Variants in PPP1R16B observed in about 807,000 individuals in gnomAD.
The protein encoded by PPP1R16B is protein phosphatase 1 regulatory subunit 16B, also known as protein phosphatase 1 regulatory inhibitor subunit 16B.
In PPP1R16B, 14 loss-of-function variants were observed where a neutral mutation model predicts 61.7. That is an observed-to-expected ratio of 0.23 (90% confidence interval 0.15 to 0.35). The LOEUF (loss-of-function observed/expected upper bound fraction) is 0.35, where lower values mean the gene tolerates loss of function less well. Ranked by LOEUF, PPP1R16B falls within the 10% of genes least tolerant of loss-of-function variation. The pLI is 1.00. For missense variants in PPP1R16B, 547 were observed against 752.5 expected (o/e 0.73, Z 3.19); for synonymous variants, 266 against 305.3 (o/e 0.87, Z 1.34).
At chr20:38,898,535 A>G (rs1484283681) in intron 4 of PPP1R16B, among the ~76,000 whole-genome samples, 1 of 152,074 alleles carries the variant, frequency 6.6e-6, no homozygotes, top group African/African-American at 2.4e-5. Flanking sequence ...ATTGGAGATT[A>G]CAGGTGGCTG....
chr20:38,916,890 A>T (rs2085545829), intron 10 of PPP1R16B, among the ~76,000 whole-genome samples: 1 of 151,800 alleles, frequency 6.6e-6, no homozygotes, highest in Non-Finnish European at 1.5e-5. Flanking sequence ...TATAGTATTA[A>T]CGATTAGTGG....
intron 10 of PPP1R16B, among the ~76,000 whole-genome samples, chr20:38,914,386 G>A (rs2145786179): frequency 6.6e-6 from 1 of 152,194 alleles, no homozygotes; most frequent in Admixed American, 6.5e-5. Context: ...CAAAATGTGG[G>A]GGTTTTGTTT....
chr20:38,815,752 G>A (rs551101610), intron 1 of PPP1R16B, among the ~76,000 whole-genome samples: 1 of 152,264 alleles, frequency 6.6e-6, no homozygotes, highest in Admixed American at 6.5e-5. Flanking sequence ...ATGACCCTTT[G>A]GATTATGCCT....
chr20:38,853,015 A>C (rs2145730853), intron 2 of PPP1R16B, among the ~76,000 whole-genome samples: 1 of 151,924 alleles, frequency 6.6e-6, no homozygotes, highest in South Asian at 2.1e-4. Context: ...CAGGTGATCC[A>C]TTCCCCTCGG....
intron 1 of PPP1R16B, among the ~76,000 whole-genome samples, chr20:38,834,929 G>T (rs901827930): frequency 6.6e-6 from 1 of 152,098 alleles, no homozygotes; most frequent in Non-Finnish European, 1.5e-5. Context: ...TCTTTATGTT[G>T]AGCTTAGCAG....
At chr20:38,887,998 C>A (rs961786789) in intron 2 of PPP1R16B, among the ~76,000 whole-genome samples, 2 of 152,222 alleles carry the variant, frequency 1.3e-5, no homozygotes, top group Non-Finnish European at 2.9e-5. Context: ...GCTTCTTTTT[C>A]CCCTGGCACC....
chr20:38,918,051 A>C lies in PPP1R16B; in HGVS notation c.1195-106A>C. On this transcript the variant is annotated intron_variant, in intron 10 of 10. Coordinates refer to ENST00000299824, the MANE Select transcript of PPP1R16B (RefSeq NM_015568.4). The surrounding 1 kb of genome is among the most constrained non-coding windows in gnomAD (Gnocchi z 5.3). ...TGGCCCCGATACCCAGGGAGAGAAA[A>C]CAGATAGAGGAAAAGTCCAAACAAT... The C allele has an allele frequency of 2.1e-6, 3 of 1,438,348 alleles. No homozygotes were observed. The highest frequency in any genetic ancestry group is 2.8e-6 in the Non-Finnish European group (3 of 1,057,810). The allele number at this position is 1,438,348 out of a possible 1,614,324, so 89.1% of individuals were successfully genotyped here. A position where few individuals can be genotyped will look rare whatever the true frequency, so the allele number is the denominator to read the frequency against.
chr20:38,831,439 C>G (rs1235677563), intron 1 of PPP1R16B, among the ~76,000 whole-genome samples: 2 of 152,264 alleles, frequency 1.3e-5, no homozygotes, highest in Non-Finnish European at 2.9e-5. Context: ...CTCACAGGCT[C>G]TCTTTCCTTT....
In PPP1R16B at chr20:38,907,864, T is replaced by C; in HGVS notation, c.957T>C (p.Asp319=). ...VLLLELKHKH[D]VIMKSQLRHK... is the part of the protein sequence containing the mutation. ...TGCTGGAGCTAAAACACAAGCATGA[T>C]GTGATCATGAAGTCACAGCTGAGGC... Residue 319 remains aspartate (D), a synonymous_variant, in exon 9 of 11, where the codon GAT becomes GAC. Coordinates refer to ENST00000299824, the MANE Select transcript of PPP1R16B (RefSeq NM_015568.4). This position sits in a 1 kb window ranked among gnomAD's most constrained non-coding sequence, Gnocchi z 4.5. 1 of 1,614,168 alleles carries C rather than the reference T, an allele frequency of 6.2e-7. No individual in the cohort carries two copies. The highest frequency in any genetic ancestry group is 8.5e-7 in the Non-Finnish European group (1 of 1,180,014).
chr20:38,840,564 T>C (rs2084903148), intron 2 of PPP1R16B, among the ~76,000 whole-genome samples: 1 of 152,178 alleles, frequency 6.6e-6, no homozygotes, highest in African/African-American at 2.4e-5. Context: ...TCCCTCTGTC[T>C]GGGACACTCT....
Position 38,907,141 on chromosome 20 carries a change from T to G in PPP1R16B, c.898+87T>G. The G allele has an allele frequency of 9.3e-7, 1 of 1,077,740 alleles. No homozygotes were observed. The highest frequency in any genetic ancestry group is 1.8e-5 in the Admixed American group (1 of 56,106). The allele number at this position is 1,077,740 out of a possible 1,614,324, so 66.8% of individuals were successfully genotyped here. Reference sequence around the variant, plus strand: ...AGGGAGAAATAGATAAATATATGGTTGTATAGATTGATGGATTGGTGTCTA... The same window carrying G: ...AGGGAGAAATAGATAAATATATGGTGGTATAGATTGATGGATTGGTGTCTA... On this transcript the variant is annotated intron_variant, in intron 8 of 10. Transcript: ENST00000299824. This position sits in a 1 kb window ranked among gnomAD's most constrained non-coding sequence, Gnocchi z 4.5.
intron 2 of PPP1R16B, among the ~76,000 whole-genome samples, chr20:38,856,736 G>A (rs976962166): frequency 2.6e-5 from 4 of 152,170 alleles, no homozygotes; most frequent in African/African-American, 9.7e-5. Flanking sequence ...AATAGGAACC[G>A]TTAGTAACCC....
chr20:38,843,686 T>G (rs924205211), intron 2 of PPP1R16B, among the ~76,000 whole-genome samples: 17 of 152,296 alleles, frequency 1.1e-4, no homozygotes, highest in Non-Finnish European at 1.3e-4. Context: ...CTTCATCTTT[T>G]GAAGAGAGAA....
intron 7 of PPP1R16B, among the ~76,000 whole-genome samples, 194 bp downstream of exon 7, chr20:38,906,288 T>TTTTTG: frequency 8.5e-6 from 1 of 117,284 alleles, no homozygotes; most frequent in Non-Finnish European, 1.9e-5. Flanking sequence ...GTTGTGTTTT[T>TTTTTG]TTTTTTTTTT....
intron 2 of PPP1R16B, among the ~76,000 whole-genome samples, chr20:38,863,433 G>A (rs991578354): frequency 3.3e-5 from 5 of 152,222 alleles, no homozygotes; most frequent in Non-Finnish European, 1.5e-5. Context: ...AAAGTGAGGG[G>A]TAATGGAAAT....
Position 38,918,090 on chromosome 20 carries a change from G to T in PPP1R16B, c.1195-67G>T. The T allele has an allele frequency of 6.4e-7, 1 of 1,573,648 alleles. No individual in the cohort carries two copies. On this transcript the variant is annotated intron_variant, in intron 10 of 10. Transcript: ENST00000299824. The surrounding 1 kb of genome is among the most constrained non-coding windows in gnomAD (Gnocchi z 5.3). ...AGTCCAAACAATAATGCCCTCAGCAGAGAGACAGGTGGATAGTAGGTTCAG... is the reference window on the plus strand; with the variant it reads ...AGTCCAAACAATAATGCCCTCAGCATAGAGACAGGTGGATAGTAGGTTCAG...
Position 38,913,552 on chromosome 20 carries a change from T to C in PPP1R16B, c.1195-4605T>C, listed in dbSNP as rs187893513. 4.4e-3 allele frequency among the ~76,000 whole-genome samples: 677 copies of C among 152,300 alleles called. 4 individuals carry two copies. Among genetic ancestry groups the C allele is most frequent in the African/African-American group, 0.016 (654 of 41,566 alleles). ...CTGGGATTACGGGCGTGAGCCACCA[T>C]GCCTGGCCATGTCGTTGTTTTTTAA... On this transcript the variant is annotated intron_variant, in intron 10 of 10. Transcript: ENST00000299824.
At chr20:38,842,369 A>G (rs1568659347) in intron 2 of PPP1R16B, among the ~76,000 whole-genome samples, 1 of 152,210 alleles carries the variant, frequency 6.6e-6, no homozygotes, top group South Asian at 2.1e-4. Flanking sequence ...TAGGGCCACA[A>G]TAGCCCAGCC....
In PPP1R16B at chr20:38,814,351, G is replaced by A. The variant is rs186871508; in HGVS notation, c.-102+8559G>A. Reference sequence around the variant, plus strand: ...TTTCTTGTCCTTCCTTCAGAGGGGGGAAGGCTAGCAATGACCTTGGCTGGC... The same window carrying A: ...TTTCTTGTCCTTCCTTCAGAGGGGGAAAGGCTAGCAATGACCTTGGCTGGC... On this transcript the variant is annotated intron_variant, in intron 1 of 10. Coordinates refer to ENST00000299824, the MANE Select transcript of PPP1R16B (RefSeq NM_015568.4). Among the ~76,000 whole-genome samples, 1,179 of 152,204 alleles carry A rather than the reference G, an allele frequency of 7.7e-3. 8 individuals carry two copies. The highest frequency in any genetic ancestry group is 0.013 in the Non-Finnish European group (882 of 68,004).
Sources: allele counts gnomAD v4.1 joint callset (sites outside exome capture counted in the v4.1 genomes callset), GRCh38; gene constraint gnomAD v4.1.1; non-coding constraint Gnocchi (gnomAD v3.1); transcripts MANE v1.5; gene names NCBI Gene and HGNC (gene_info 2026-07-23, HGNC 2026-07-21).